Variants in COL6A5 observed in about 807,000 individuals in gnomAD.
COL6A5 encodes collagen type VI alpha 5 chain.
A neutral mutation model predicts 65.6 loss-of-function variants in COL6A5; 48 were observed. That is an observed-to-expected ratio of 0.73 (90% confidence interval 0.58 to 0.93). The LOEUF is 0.93. Ranked by LOEUF, COL6A5 falls within the 40% of genes least tolerant of loss-of-function variation. COL6A5 has a pLI of 0.00. For missense variants in COL6A5, 914 were observed against 928.3 expected (o/e 0.98, Z 0.20); for synonymous variants, 291 against 322.8 (o/e 0.90, Z 1.05).
chr3:130,377,260 A>G (rs1185762992), intron 3 of COL6A5, among the ~76,000 whole-genome samples: 1 of 152,158 alleles, frequency 6.6e-6, no homozygotes, highest in Non-Finnish European at 1.5e-5. Context: ...AGGGTTGACA[A>G]CTTATCTCTC....
chr3:130,462,405 CT>C (rs1354047581), intron 5 of COL6A5, among the ~76,000 whole-genome samples: 1 of 152,108 alleles, frequency 6.6e-6, no homozygotes, highest in Non-Finnish European at 1.5e-5. Context: ...GACCAGCTGA[CT>C]TTGCTTTTTT....
chr3:130,351,808 T>C (rs1934723114), intron 1 of COL6A5, among the ~76,000 whole-genome samples: 1 of 151,904 alleles, frequency 6.6e-6, no homozygotes, highest in Non-Finnish European at 1.5e-5. Flanking sequence ...CTTTACTGGG[T>C]ATATACCCAA....
chr3:130,435,376 T>A (rs1207067563), intron 1 of COL6A5, among the ~76,000 whole-genome samples: 23 of 152,204 alleles, frequency 1.5e-4, no homozygotes, highest in Admixed American at 1.5e-3. Context: ...GGTATCATGA[T>A]GCCTCCAGCT....
chr3:130,431,366 C>T (rs1376183460), upstream of COL6A5: 2 of 1,349,646 alleles, frequency 1.5e-6, no homozygotes, highest in South Asian at 1.3e-5. Context: ...GAAGCACTTG[C>T]TTTGCCTCTG....
chr3:130,448,391 A>G (rs1464183398), intron 4 of COL6A5, among the ~76,000 whole-genome samples: 1 of 152,204 alleles, frequency 6.6e-6, no homozygotes, highest in East Asian at 1.9e-4. Context: ...AGAACAAGTT[A>G]GACAGCACAT....
At chr3:130,482,652 C>T (rs923697748) in intron 7 of COL6A5, among the ~76,000 whole-genome samples, 22 of 152,198 alleles carry the variant, frequency 1.4e-4, no homozygotes, top group Admixed American at 2.6e-4. Flanking sequence ...GCCATTTTCA[C>T]GATATTGATT....
chr3:130,445,746 T>C (rs1166717442), intron 4 of COL6A5, among the ~76,000 whole-genome samples: 10 of 152,162 alleles, frequency 6.6e-5, no homozygotes, highest in Non-Finnish European at 1.5e-4. Flanking sequence ...AGCAGAATGA[T>C]GATTCTCGTT....
At chr3:130,440,086 C>A in intron 2 of COL6A5, 80 bp from the exon 35 acceptor site, 1 of 1,088,280 alleles carries the variant, frequency 9.2e-7, no homozygotes, top group Non-Finnish European at 1.3e-6. Flanking sequence ...TAATTAGTCA[C>A]TGAGTCACTT....
intron 24 of COL6A5, 128 bp from the exon 25 acceptor site, chr3:130,418,741 C>T: frequency 1.4e-6 from 1 of 712,152 alleles, no homozygotes; most frequent in Non-Finnish European, 2.5e-6. Context: ...GCCCTACACT[C>T]ATCCCCTTAG....
intron 23 of COL6A5, among the ~76,000 whole-genome samples, 168 bp downstream of exon 23, chr3:130,415,875 A>G (rs1937323935): frequency 6.6e-6 from 1 of 152,190 alleles, no homozygotes; most frequent in African/African-American, 2.4e-5. Context: ...ATACGTAGCT[A>G]AAGCACTCCT....
chr3:130,384,753 C>T (rs1936119957), intron 4 of COL6A5, 51 bp from the exon 5 acceptor site: 1 of 1,427,118 alleles, frequency 7.0e-7, no homozygotes, highest in African/African-American at 1.4e-5. Context: ...AACCCTCTTG[C>T]AAAGTTCTCT....
intron 1 of COL6A5, among the ~76,000 whole-genome samples, chr3:130,369,899 C>T (rs1392035320): frequency 6.6e-6 from 1 of 152,120 alleles, no homozygotes; most frequent in Admixed American, 6.5e-5. Flanking sequence ...TTGGGGTGCC[C>T]TTCCCTCAGA....
At chr3:130,411,473 C>T (rs1162815088) in intron 20 of COL6A5, among the ~76,000 whole-genome samples, 1 of 152,106 alleles carries the variant, frequency 6.6e-6, no homozygotes, top group Admixed American at 6.6e-5. Flanking sequence ...GTTTTTATAC[C>T]ACTTGCCTTT....
exon 29 of COL6A5, chr3:130,423,885 C>A (rs1431895633): frequency 1.3e-6 from 2 of 1,548,930 alleles, no homozygotes; most frequent in Admixed American, 2.0e-5. Flanking sequence ...GACTCCCAGG[C>A]CCTCCTGGAC....
At chr3:130,445,321 C>T (rs943992565) in intron 4 of COL6A5, among the ~76,000 whole-genome samples, 4 of 152,214 alleles carry the variant, frequency 2.6e-5, no homozygotes, top group Non-Finnish European at 4.4e-5. Flanking sequence ...GATTCCTTCT[C>T]GAGCTCGAAC....
chr3:130,367,375 G>A (rs180716908), intron 1 of COL6A5, among the ~76,000 whole-genome samples: 2 of 152,148 alleles, frequency 1.3e-5, no homozygotes, highest in South Asian at 2.1e-4. Flanking sequence ...TATTTTTGTC[G>A]ATTCCCTCAT....
chr3:130,348,290 C>G (rs1258747137), intron 1 of COL6A5, among the ~76,000 whole-genome samples: 1 of 152,168 alleles, frequency 6.6e-6, no homozygotes, highest in Admixed American at 6.5e-5. Flanking sequence ...AACTCCCTGA[C>G]AGGCCCTGGT....
At chr3:130,418,707 A>G (rs1160617074) in intron 24 of COL6A5, among the ~76,000 whole-genome samples, 162 bp from the exon 25 acceptor site, 1 of 152,078 alleles carries the variant, frequency 6.6e-6, no homozygotes, top group Non-Finnish European at 1.5e-5. Flanking sequence ...ATCTTCTGCT[A>G]GCTATGAAAA....
chr3:130,415,645 G>T (rs1280632736), exon 23 of COL6A5: 3 of 1,547,688 alleles, frequency 1.9e-6, no homozygotes, highest in South Asian at 1.2e-5. Context: ...ACCACTAAAG[G>T]GGTCACAGGG....
Sources: gnomAD v4.1 joint callset for allele counts (sites outside exome capture counted in the v4.1 genomes callset) on GRCh38, gnomAD v4.1.1 for gene constraint, MANE v1.5 for transcripts, NCBI Gene and HGNC (gene_info 2026-07-23, HGNC 2026-07-21) for gene names.